The following SIPA1L3 variants were observed in gnomAD, a reference collection of about 807,000 sequenced individuals.
SIPA1L3 encodes the protein signal induced proliferation associated 1 like 3.
Under a neutral mutation model 150.1 loss-of-function variants are expected in SIPA1L3, and 59 were observed. The ratio of observed to expected loss-of-function variants is 0.39; its 90% CI spans 0.32 to 0.49. SIPA1L3 has a LOEUF of 0.49. SIPA1L3 is among the 20% of genes least tolerant of loss of function. The pLI is 0.86. For synonymous variants in SIPA1L3, 1,070 were observed against 1,077.6 expected (o/e 0.99, Z 0.14); for missense variants, 2,211 against 2,489.5 (o/e 0.89, Z 2.38).
intron 2 of SIPA1L3, among the ~76,000 whole-genome samples, chr19:38,035,355 G>C (rs1568513091): frequency 6.6e-6 from 1 of 152,126 alleles, no homozygotes; most frequent in Non-Finnish European, 1.5e-5. Flanking sequence ...GCTTACCCTG[G>C]TATACAGTAT....
intron 4 of SIPA1L3, among the ~76,000 whole-genome samples, chr19:38,089,099 C>T (rs1277421909): frequency 6.6e-6 from 1 of 152,014 alleles, no homozygotes; most frequent in Non-Finnish European, 1.5e-5. Context: ...GCGGGTGGCT[C>T]ACTTGAGATC....
chr19:38,169,586 A>G (rs1972282922), intron 15 of SIPA1L3, among the ~76,000 whole-genome samples: 1 of 152,204 alleles, frequency 6.6e-6, no homozygotes, highest in Non-Finnish European at 1.5e-5. Flanking sequence ...GATTGAATGT[A>G]CCCTTAGAAC....
intron 1 of SIPA1L3, among the ~76,000 whole-genome samples, chr19:38,017,890 A>G (rs1026642844): frequency 6.6e-6 from 1 of 151,950 alleles, no homozygotes; most frequent in African/African-American, 2.4e-5. Flanking sequence ...ATCTTTCAAA[A>G]CTGTAAATCA....
chr19:38,111,253 AACTCT>A (rs1970734079), intron 8 of SIPA1L3, among the ~76,000 whole-genome samples: 2 of 151,832 alleles, frequency 1.3e-5, no homozygotes, highest in African/African-American at 4.8e-5. Context: ...GCTGGTCTTG[AACTCT>A]TGGCCTCAAG....
At chr19:38,185,999 C>T (rs1972668905) in intron 16 of SIPA1L3, 1 of 152,666 alleles carries the variant, frequency 6.6e-6, no homozygotes, top group Admixed American at 6.5e-5. Context: ...CCACCCCCAG[C>T]ACCTGTCCCA....
intron 2 of SIPA1L3, among the ~76,000 whole-genome samples, chr19:38,069,504 C>A (rs764538081): frequency 1.3e-5 from 2 of 152,138 alleles, no homozygotes; most frequent in Non-Finnish European, 2.9e-5. Flanking sequence ...GGAGGCAGAC[C>A]CTCTTCTCTC....
intron 1 of SIPA1L3, among the ~76,000 whole-genome samples, chr19:38,027,497 C>T (rs563960837): frequency 2.0e-4 from 30 of 152,058 alleles, no homozygotes; most frequent in East Asian, 3.9e-4. Context: ...AGGAGCTGAC[C>T]GGCCTTTGAG....
At chr19:37,979,412 C>T (rs951763177) in intron 1 of SIPA1L3, among the ~76,000 whole-genome samples, 3 of 151,796 alleles carry the variant, frequency 2.0e-5, no homozygotes, top group East Asian at 3.9e-4. Flanking sequence ...CAAAAATTAG[C>T]TGGGCGTGAT....
chr19:37,972,133 T>G (rs936095385), intron 1 of SIPA1L3, among the ~76,000 whole-genome samples: 13 of 151,788 alleles, frequency 8.6e-5, no homozygotes, highest in African/African-American at 2.9e-4. Context: ...GTGGTAACTA[T>G]GTTTAGCTTT....
chr19:37,941,880 T>C lies in SIPA1L3; in HGVS notation c.-379+34522T>C, dbSNP rs3745940. Among the ~76,000 whole-genome samples, 1,071 of 152,336 alleles carry C rather than the reference T, an allele frequency of 7.0e-3. 34 individuals carry two copies. The highest frequency in any genetic ancestry group is 0.069 in the East Asian group (357 of 5,186). On this transcript the variant is annotated intron_variant, in intron 1 of 21. Transcript: ENST00000222345. ...ACTCCATTGCAGAGGCAAGCCCTGG[T>C]AACCTGGCCAGGGGCGAGCCCTGAC...
At chr19:37,917,106 C>A (rs1011904662) in intron 1 of SIPA1L3, among the ~76,000 whole-genome samples, 1 of 152,128 alleles carries the variant, frequency 6.6e-6, no homozygotes, top group African/African-American at 2.4e-5. Context: ...AACATGTAAT[C>A]AATATAGAAA....
At chr19:38,005,305 GC>G (rs973196660) in intron 1 of SIPA1L3, among the ~76,000 whole-genome samples, 1 of 151,984 alleles carries the variant, frequency 6.6e-6, no homozygotes, top group African/African-American at 2.4e-5. Context: ...CTTCAGTGTG[GC>G]CCCCCAGACC....
chr19:37,992,405 C>T (rs1967530811), intron 1 of SIPA1L3, among the ~76,000 whole-genome samples: 1 of 152,176 alleles, frequency 6.6e-6, no homozygotes, highest in African/African-American at 2.4e-5. Context: ...AATCCCAGCA[C>T]TTTGGGAGGC....
intron 10 of SIPA1L3, among the ~76,000 whole-genome samples, chr19:38,138,898 A>AAAAAAAAAAAAC (rs1971501814): frequency 9.5e-6 from 1 of 105,140 alleles, no homozygotes; most frequent in African/African-American, 3.3e-5. Flanking sequence ...ACTCTATCTC[A>AAAAAAAAAAAAC]AAAAAAAAAA....
At chr19:38,198,344 G>C (rs556082905) in intron 18 of SIPA1L3, 45 bp from the exon 19 acceptor site, 1 of 1,457,046 alleles carries the variant, frequency 6.9e-7, no homozygotes, top group Non-Finnish European at 9.1e-7. Flanking sequence ...TGTGTCTCCC[G>C]CATTGTCACA....
intron 1 of SIPA1L3, among the ~76,000 whole-genome samples, chr19:37,969,234 G>A (rs1202105762): frequency 6.7e-6 from 1 of 148,834 alleles, no homozygotes; most frequent in East Asian, 2.0e-4. Flanking sequence ...CCCCATCTCT[G>A]TTAAAAAGAA....
chr19:38,193,715 A>T lies in SIPA1L3; in HGVS notation c.4775A>T (p.His1592Leu), dbSNP rs1190759174. Residue 1592 changes from histidine to leucine, a missense_variant, in exon 18 of 22, where the codon CAC (histidine) becomes CTC (leucine). By Grantham distance (99) the His-to-Leu change is moderately conservative. This residue lies in a region of SIPA1L3 where 806 missense variants were observed against 870.1 expected (regional missense o/e 0.93). Coordinates refer to ENST00000222345, the MANE Select transcript of SIPA1L3 (RefSeq NM_015073.3). ...CTGCCTGCACGCCGCCAGCACCAGC[A>T]CCCCCACCCGCCCGTCGGCCCCGGT... ...STLPARRQHQ[H>L]PHPPVGPGAT... 3 of 1,567,724 alleles carry T rather than the reference A, an allele frequency of 1.9e-6. No individual in the cohort carries two copies. Among genetic ancestry groups the T allele is most frequent in the Non-Finnish European group, 2.6e-6 (3 of 1,165,394 alleles).
chr19:38,128,508 T>G (rs73632930), intron 9 of SIPA1L3, among the ~76,000 whole-genome samples: 4,414 of 152,310 alleles, frequency 0.029, 208 homozygotes, highest in African/African-American at 0.1. Context: ...TTTGTGTCTG[T>G]GGGCATGTGT....
chr19:37,914,603 C>G (rs956775674), intron 1 of SIPA1L3, among the ~76,000 whole-genome samples: 1 of 152,062 alleles, frequency 6.6e-6, no homozygotes, highest in Non-Finnish European at 1.5e-5. Flanking sequence ...TCTCAAACGC[C>G]TGACCTCAGG....
Sources: gnomAD v4.1 joint callset for allele counts (sites outside exome capture counted in the v4.1 genomes callset) on GRCh38, gnomAD v4.1.1 for gene constraint, gnomAD v4.1.1 regional missense constraint, MANE v1.5 for transcripts, NCBI Gene and HGNC (gene_info 2026-07-23, HGNC 2026-07-21) for gene names.